Variants in WWOX observed in about 807,000 individuals in gnomAD.
WWOX encodes the protein WW domain-containing oxidoreductase.
A neutral mutation model predicts 46.2 loss-of-function variants in WWOX; 69 were observed. The observed-to-expected ratio is 1.49, with a 90% CI of 1.23 to 1.82. The LOEUF is 1.82. Among genes scored for constraint, WWOX ranks in the 40% most tolerant of loss-of-function variants. The probability of loss-of-function intolerance (pLI) is 0.00; values close to 1 mark genes in which losing one functional copy is unlikely to be tolerated. For synonymous variants in WWOX, 359 were observed against 202.6 expected (o/e 1.77, Z -6.56); for missense variants, 919 against 542.6 (o/e 1.69, Z -6.89).
At chr16:78,758,049 C>A (rs997359783) in intron 8 of WWOX, among the ~76,000 whole-genome samples, 2 of 152,062 alleles carry the variant, frequency 1.3e-5, no homozygotes, top group Non-Finnish European at 2.9e-5. Context: ...TCACAATGTG[C>A]CCCTATTATT....
chr16:78,513,792 C>T (rs1283537372), intron 8 of WWOX, among the ~76,000 whole-genome samples: 1 of 152,176 alleles, frequency 6.6e-6, no homozygotes, highest in African/African-American at 2.4e-5. Flanking sequence ...CTTACGTCAC[C>T]ACTTACCATC....
At chr16:78,598,294 G>A (rs772975573) in intron 8 of WWOX, among the ~76,000 whole-genome samples, 1 of 152,176 alleles carries the variant, frequency 6.6e-6, no homozygotes, top group Non-Finnish European at 1.5e-5. Context: ...TTAATAAACG[G>A]ATTGTGTTTT....
chr16:78,468,910 AC>A (rs2084152323), intron 8 of WWOX, among the ~76,000 whole-genome samples: 1 of 152,080 alleles, frequency 6.6e-6, no homozygotes, highest in Admixed American at 6.5e-5. Context: ...GTAACCTGTA[AC>A]CCCCTCTACC....
intron 8 of WWOX, among the ~76,000 whole-genome samples, chr16:78,718,779 A>G (rs186510944): frequency 5.6e-4 from 85 of 152,256 alleles, no homozygotes; most frequent in African/African-American, 2.0e-3. Context: ...GGTGACACAT[A>G]TTTATTGAGA....
At chr16:78,136,649 C>T (rs1008022822) in intron 4 of WWOX, among the ~76,000 whole-genome samples, 1 of 152,216 alleles carries the variant, frequency 6.6e-6, no homozygotes, top group African/African-American at 2.4e-5. Flanking sequence ...AATCTAAGCA[C>T]AGGTTGGTTC....
intron 5 of WWOX, among the ~76,000 whole-genome samples, chr16:78,385,283 G>A (rs1428950117): frequency 6.6e-6 from 1 of 152,140 alleles, no homozygotes; most frequent in African/African-American, 2.4e-5. Context: ...TCTGTCCACT[G>A]TGCTGGACTA....
chr16:78,573,504 A>C (rs544817344), intron 8 of WWOX, among the ~76,000 whole-genome samples: 1 of 152,258 alleles, frequency 6.6e-6, no homozygotes, highest in African/African-American at 2.4e-5. Context: ...ATCTTCCTAA[A>C]ACACACCTTT....
intron 8 of WWOX, among the ~76,000 whole-genome samples, chr16:78,789,185 A>T (rs995035240): frequency 1.3e-5 from 2 of 152,042 alleles, no homozygotes; most frequent in Non-Finnish European, 2.9e-5. Flanking sequence ...GTTGATTGTC[A>T]TGGTGGTGTG....
intron 8 of WWOX, among the ~76,000 whole-genome samples, chr16:79,035,235 A>G (rs1239673236): frequency 1.3e-5 from 2 of 152,196 alleles, no homozygotes; most frequent in Non-Finnish European, 2.9e-5. Flanking sequence ...AGAAAACAAG[A>G]CCACGTACCT....
chr16:78,644,544 C>A (rs1277586170), intron 8 of WWOX, among the ~76,000 whole-genome samples: 1 of 152,044 alleles, frequency 6.6e-6, no homozygotes, highest in Non-Finnish European at 1.5e-5. Flanking sequence ...TCACTGCAAC[C>A]TCCGCCTACC....
chr16:78,634,253 TG>T (rs1218392402), intron 8 of WWOX, among the ~76,000 whole-genome samples: 1 of 152,174 alleles, frequency 6.6e-6, no homozygotes, highest in African/African-American at 2.4e-5. Flanking sequence ...GTTAGTTAAG[TG>T]TATGACAAGT....
intron 4 of WWOX, among the ~76,000 whole-genome samples, chr16:78,122,497 C>G (rs750162976): frequency 2.6e-5 from 4 of 152,078 alleles, no homozygotes; most frequent in Non-Finnish European, 5.9e-5. Context: ...AGCTTGAAAA[C>G]TTGGAAATTG....
At chr16:78,826,512 A>T (rs111408081) in intron 8 of WWOX, among the ~76,000 whole-genome samples, 5 of 152,162 alleles carry the variant, frequency 3.3e-5, no homozygotes, top group Admixed American at 3.3e-4. Context: ...TATCACTCCA[A>T]TCCCTGCCTC....
intron 8 of WWOX, among the ~76,000 whole-genome samples, chr16:78,703,743 A>C (rs1408871301): frequency 6.6e-6 from 1 of 152,036 alleles, no homozygotes; most frequent in African/African-American, 2.4e-5. Flanking sequence ...AATATCCCAA[A>C]ATGTGTTTCC....
intron 5 of WWOX, among the ~76,000 whole-genome samples, chr16:78,268,204 G>C (rs1014424906): frequency 6.6e-6 from 1 of 152,176 alleles, no homozygotes; most frequent in African/African-American, 2.4e-5. Flanking sequence ...CATTTGAAAA[G>C]TGGCTACAAA....
intron 8 of WWOX, among the ~76,000 whole-genome samples, chr16:78,800,631 C>A (rs1301677208): frequency 6.6e-6 from 1 of 152,200 alleles, no homozygotes; most frequent in African/African-American, 2.4e-5. Flanking sequence ...GCAGTGGCAG[C>A]TGACGGCCAA....
At chr16:78,669,786 C>G (rs1402277102) in intron 8 of WWOX, among the ~76,000 whole-genome samples, 1 of 152,152 alleles carries the variant, frequency 6.6e-6, no homozygotes, top group Non-Finnish European at 1.5e-5. Context: ...CATGGCACCC[C>G]TATTGATTAT....
In WWOX at chr16:79,111,975, T is replaced by C. The variant is rs1357407478; in HGVS notation, c.1057-99633T>C. 4.4e-4 allele frequency among the ~76,000 whole-genome samples: 67 copies of C among 152,048 alleles called. 1 individual carries two copies. Among genetic ancestry groups the C allele is most frequent in the Admixed American group, 4.4e-3 (67 of 15,260 alleles). On this transcript the variant is annotated intron_variant, in intron 8 of 8. Coordinates refer to ENST00000566780, the MANE Select transcript of WWOX (RefSeq NM_016373.4). ...GATGATGAGTTGTCTCATAGGACCC[T>C]GTTAAGCACCATCCCCAAACTCCAT...
At chr16:78,333,043 C>CTTTTTTTTTTTTTT (rs11289222) in intron 5 of WWOX, among the ~76,000 whole-genome samples, 1,816 of 57,066 alleles carry the variant, frequency 0.032, 510 homozygotes, top group Non-Finnish European at 0.055. Context: ...GAGCATTATA[C>CTTTTTTTTTTTTTT]TTTTTTTTTT....
Sources: gnomAD v4.1 joint callset for allele counts (sites outside exome capture counted in the v4.1 genomes callset) on GRCh38, gnomAD v4.1.1 for gene constraint, MANE v1.5 for transcripts, NCBI Gene and HGNC (gene_info 2026-07-23, HGNC 2026-07-21) for gene names.